Variants in DENND2A observed in about 807,000 individuals in gnomAD.
DENND2A encodes DENN domain-containing protein 2A.
DENND2A carries 53 observed loss-of-function variants against 105.3 expected under a neutral mutation model. The observed-to-expected ratio is 0.50, with a 90% CI of 0.40 to 0.63. The LOEUF is 0.63. Among genes scored for constraint, DENND2A ranks in the 30% least tolerant of loss-of-function variants. The pLI is 0.00. For missense variants in DENND2A, 1,138 were observed against 1,279.6 expected (o/e 0.89, Z 1.69); for synonymous variants, 522 against 508.4 (o/e 1.03, Z -0.36).
intron 5 of DENND2A, 28 bp downstream of exon 5, chr7:140,585,561 C>T (rs774491021): frequency 6.2e-7 from 1 of 1,613,526 alleles, no homozygotes; most frequent in Non-Finnish European, 8.5e-7. Context: ...GGCCCCCTCT[C>T]CTGCCACCAT....
At chr7:140,583,087 C>T (rs1375583963) in intron 5 of DENND2A, among the ~76,000 whole-genome samples, 2 of 151,300 alleles carry the variant, frequency 1.3e-5, no homozygotes, top group African/African-American at 2.4e-5. Flanking sequence ...GTCAGGAGAT[C>T]GAGACCATCC....
intron 14 of DENND2A, among the ~76,000 whole-genome samples, chr7:140,533,612 C>G (rs779863085): frequency 3.9e-5 from 6 of 152,186 alleles, no homozygotes; most frequent in Non-Finnish European, 8.8e-5. Flanking sequence ...AAAGTTCACT[C>G]AGTGAACTGG....
chr7:140,561,546 C>G (rs1451635879), intron 9 of DENND2A, among the ~76,000 whole-genome samples: 2 of 133,214 alleles, frequency 1.5e-5, no homozygotes, highest in Admixed American at 8.5e-5. Flanking sequence ...GTCGCCCAGG[C>G]TGGAGTGCAG....
chr7:140,534,373 A>G (rs1208557159), intron 14 of DENND2A, among the ~76,000 whole-genome samples: 1 of 152,030 alleles, frequency 6.6e-6, no homozygotes, highest in Non-Finnish European at 1.5e-5. Flanking sequence ...ATGAGCCACC[A>G]CGCCCAGCCC....
At chr7:140,588,813 G>A (rs1483951614) in intron 3 of DENND2A, among the ~76,000 whole-genome samples, 1 of 149,652 alleles carries the variant, frequency 6.7e-6, no homozygotes, top group Non-Finnish European at 1.5e-5. Flanking sequence ...CATGATCTTG[G>A]ATCACTGCAA....
At chr7:140,557,936 T>A (rs1424543485) in intron 11 of DENND2A, among the ~76,000 whole-genome samples, 1 of 152,012 alleles carries the variant, frequency 6.6e-6, no homozygotes, top group Non-Finnish European at 1.5e-5. Flanking sequence ...ACTCCCAAAG[T>A]GCTGGGTTTA....
At chr7:140,545,575 T>C (rs1365963235) in intron 13 of DENND2A, among the ~76,000 whole-genome samples, 1 of 152,162 alleles carries the variant, frequency 6.6e-6, no homozygotes, top group Non-Finnish European at 1.5e-5. Context: ...GGTCTCGAAC[T>C]CCTGACTCCA....
chr7:140,640,058 G>C lies in DENND2A; in HGVS notation c.-248+446C>G, dbSNP rs1801128358. 6.6e-6 allele frequency among the ~76,000 whole-genome samples: 1 copy of C among 152,232 alleles called. No homozygotes were observed. The highest frequency in any genetic ancestry group is 2.1e-4 in the South Asian group (1 of 4,838). ...ATGCTGACCGCTGTGAGGGGGGCCC[G>C]GCTGCTCAGCCGCCTCGATGCCCCG... On this transcript the variant is annotated intron_variant, in intron 1 of 19. Transcript: ENST00000496613. The surrounding 1 kb of genome is among the most constrained non-coding windows in gnomAD (Gnocchi z 4.9).
chr7:140,527,515 A>T lies in DENND2A; in HGVS notation c.2328-20T>A. On this transcript the variant is annotated intron_variant, in intron 14 of 19. Transcript: ENST00000496613. The surrounding 1 kb of genome is among the most constrained non-coding windows in gnomAD (Gnocchi z 4.9). ...AGGATGCTGCAGCCGGGGAGAGAAC[A>T]GGGAGAGAGGCCGACTCAGCGAGGG... The T allele has an allele frequency of 6.3e-7, 1 of 1,579,886 alleles. No homozygotes were observed. The highest frequency in any genetic ancestry group is 8.6e-7 in the Non-Finnish European group (1 of 1,159,316).
chr7:140,604,030 T>C (rs894307416), intron 2 of DENND2A, among the ~76,000 whole-genome samples: 2 of 152,266 alleles, frequency 1.3e-5, no homozygotes, highest in African/African-American at 4.8e-5. Context: ...GTATCTGTGT[T>C]GTCCAATGCA....
Position 140,602,480 on chromosome 7 carries a change from A to G in DENND2A, c.-83T>C. ...CTCCTGATCAGTCTCTAGGAATGGA[A>G]TGGAGGACTAAAGTGGATGCCTTCG... On this transcript the variant is annotated 5_prime_UTR_variant, in exon 3 of 20. Transcript: ENST00000496613. 1 of 1,427,110 alleles carries G rather than the reference A, an allele frequency of 7.0e-7. No individual in the cohort carries two copies. Among genetic ancestry groups the G allele is most frequent in the Non-Finnish European group, 9.2e-7 (1 of 1,081,388 alleles). 88.4% of individuals were successfully genotyped at this position (1,427,110 alleles called of 1,614,324 possible).
In DENND2A at chr7:140,587,504, G is replaced by C. The variant is rs995633714; in HGVS notation, c.1123+149C>G. 6 of 1,111,348 alleles carry C rather than the reference G, an allele frequency of 5.4e-6. No homozygotes were observed. In the African/African-American group the frequency reaches 6.3e-5, roughly 12 times the overall value. The allele number at this position is 1,111,348 out of a possible 1,614,324, so 68.8% of individuals were successfully genotyped here. A position where few individuals can be genotyped will look rare whatever the true frequency, so the allele number is the denominator to read the frequency against. On this transcript the variant is annotated intron_variant, in intron 4 of 19. Coordinates refer to ENST00000496613, the MANE Select transcript of DENND2A (RefSeq NM_015689.5). ...CAAGGCTCACTCTCCCACCCCACCT[G>C]CCTGCTTTTTCATCCGAGTGCACAG...
At chr7:140,532,176 G>T (rs1796295350) in intron 14 of DENND2A, among the ~76,000 whole-genome samples, 1 of 152,190 alleles carries the variant, frequency 6.6e-6, no homozygotes, top group Non-Finnish European at 1.5e-5. Context: ...GGCTGAGGCA[G>T]GAGAATCGCT....
At chr7:140,554,412 GGTGGATCACTT>G in intron 12 of DENND2A, among the ~76,000 whole-genome samples, 1 of 152,086 alleles carries the variant, frequency 6.6e-6, no homozygotes, top group Admixed American at 6.6e-5. Context: ...GGCCGAGGTG[GGTGGATCACTT>G]GAGGTCAGTT....
At chr7:140,544,867 T>G in intron 13 of DENND2A, 101 bp from the exon 14 acceptor site, 1 of 1,501,582 alleles carries the variant, frequency 6.7e-7, no homozygotes, top group Non-Finnish European at 8.9e-7. Context: ...TCATCAGGGG[T>G]GACCCACTGG....
chr7:140,550,989 T>TA lies in DENND2A; in HGVS notation c.2038-4051dup, dbSNP rs544010902. On this transcript the variant is annotated intron_variant, in intron 12 of 19. Coordinates refer to ENST00000496613, the MANE Select transcript of DENND2A (RefSeq NM_015689.5). ...GGAAAACACACCTGAAAAGGCTGCTTAGGGGGACAGTAATGAAAAAAAAGC... is the reference window on the plus strand; with the variant it reads ...GGAAAACACACCTGAAAAGGCTGCTTAAGGGGGACAGTAATGAAAAAAAAGC... 4.9e-4 allele frequency among the ~76,000 whole-genome samples: 74 copies of TA among 151,616 alleles called. No homozygotes were observed. In the East Asian group the frequency reaches 0.013, roughly 27 times the overall value.
intron 4 of DENND2A, 85 bp downstream of exon 4, chr7:140,587,568 G>A (rs960819983): frequency 9.0e-6 from 14 of 1,558,100 alleles, no homozygotes; most frequent in African/African-American, 4.1e-5. Flanking sequence ...GTGTGTGCAC[G>A]TGTGTTTCCA....
intron 14 of DENND2A, among the ~76,000 whole-genome samples, chr7:140,534,964 G>A (rs1796407834): frequency 6.6e-6 from 1 of 152,148 alleles, no homozygotes; most frequent in South Asian, 2.1e-4. Flanking sequence ...GGTGGTTCCT[G>A]AGTGTTGGAG....
intron 3 of DENND2A, among the ~76,000 whole-genome samples, chr7:140,589,853 T>C (rs1326264340): frequency 6.6e-6 from 1 of 152,168 alleles, no homozygotes; most frequent in Non-Finnish European, 1.5e-5. Context: ...GGTCTCAAAC[T>C]TCTGGGCTCA....
Sources: allele counts gnomAD v4.1 joint callset (sites outside exome capture counted in the v4.1 genomes callset), GRCh38; gene constraint gnomAD v4.1.1; non-coding constraint Gnocchi (gnomAD v3.1); transcripts MANE v1.5; gene names NCBI Gene and HGNC (gene_info 2026-07-23, HGNC 2026-07-21).